AASDH: variants seen among roughly 807,000 people sequenced by gnomAD.
AASDH encodes the protein beta-alanine-activating enzyme.
In AASDH, 81 loss-of-function variants were observed where a neutral mutation model predicts 102.3. The ratio of observed to expected loss-of-function variants is 0.79; its 90% CI spans 0.66 to 0.95. The LOEUF is 0.95. AASDH is among the 40% of genes least tolerant of loss of function. The pLI is 0.00. For synonymous variants in AASDH, 398 were observed against 454.0 expected, an observed-to-expected ratio of 0.88 and a Z score of 1.57; for missense variants, 1,203 against 1,266.2, an observed-to-expected ratio of 0.95 and a Z score of 0.76.
intron 5 of AASDH, among the ~76,000 whole-genome samples, chr4:56,364,471 A>T (rs1303274088): frequency 1.3e-5 from 2 of 152,198 alleles, no homozygotes; most frequent in African/African-American, 4.8e-5. Context: ...CCAGAGAGAA[A>T]GGTCGGGTTA....
At chr4:56,347,118 T>G (rs1006918029) in intron 11 of AASDH, among the ~76,000 whole-genome samples, 1 of 150,698 alleles carries the variant, frequency 6.6e-6, no homozygotes, top group African/African-American at 2.4e-5. Context: ...ATTCCACTCA[T>G]GATTATTTCA....
intron 11 of AASDH, among the ~76,000 whole-genome samples, chr4:56,346,396 A>G (rs1478255269): frequency 6.6e-6 from 1 of 152,212 alleles, no homozygotes; most frequent in African/African-American, 2.4e-5. Context: ...TCACCTGGGT[A>G]AAGATTTCTG....
intron 5 of AASDH, among the ~76,000 whole-genome samples, chr4:56,365,070 T>C (rs1387708794): frequency 6.6e-6 from 1 of 152,146 alleles, no homozygotes; most frequent in African/African-American, 2.4e-5. Context: ...GTTGCAATCC[T>C]AGTCTCGGAT....
At chr4:56,368,103 A>C (rs898228972) in intron 5 of AASDH, among the ~76,000 whole-genome samples, 456 of 152,340 alleles carry the variant, frequency 3.0e-3, no homozygotes, top group African/African-American at 0.01. Flanking sequence ...ATGCAGCCAA[A>C]AAACACATGA....
chr4:56,342,518 T>A (rs1270433801), intron 14 of AASDH, among the ~76,000 whole-genome samples: 6 of 152,110 alleles, frequency 3.9e-5, no homozygotes, highest in Non-Finnish European at 8.8e-5. Flanking sequence ...ACTGGTAATA[T>A]TTTAAAAATT....
At chr4:56,386,364 A>G (rs1365978976) in intron 1 of AASDH, among the ~76,000 whole-genome samples, 1 of 152,188 alleles carries the variant, frequency 6.6e-6, no homozygotes, top group Non-Finnish European at 1.5e-5. Context: ...CATTTTCCCA[A>G]TGGTTGCTAC....
rs1183898476 is a variant in AASDH at position 56,342,823 on chromosome 4, T to C, written c.2907+12A>G. Reference sequence around the variant, plus strand: ...TAAAAATGTATATATAAAAAATTTCTAGTTCTATTACCTGTTCTCCAAAGT... The same window carrying C: ...TAAAAATGTATATATAAAAAATTTCCAGTTCTATTACCTGTTCTCCAAAGT... On this transcript the variant is annotated intron_variant, in intron 14 of 14. Coordinates refer to ENST00000205214, the MANE Select transcript of AASDH (RefSeq NM_181806.4). 5 of 1,299,814 alleles carry C rather than the reference T, an allele frequency of 3.8e-6. No individual in the cohort carries two copies. The African/African-American group carries it at 7.7e-5, about 20-fold the overall frequency. 80.5% of individuals were successfully genotyped at this position (1,299,814 alleles called of 1,614,324 possible). A position where few individuals can be genotyped will look rare whatever the true frequency, so the allele number is the denominator to read the frequency against.
intron 4 of AASDH, among the ~76,000 whole-genome samples, chr4:56,373,218 C>G (rs1751952050): frequency 6.6e-6 from 1 of 152,176 alleles, no homozygotes. Context: ...CGGCTCACTG[C>G]AACCTCTGCC....
At chr4:56,354,865 T>C (rs867929701) in intron 6 of AASDH, 54 bp from the exon 7 acceptor site, 1 of 1,372,064 alleles carries the variant, frequency 7.3e-7, no homozygotes. Flanking sequence ...AATAGAATAT[T>C]TTCCAATATA....
chr4:56,339,063 CCATT>C (rs1483215607), intron 14 of AASDH, among the ~76,000 whole-genome samples: 1 of 152,144 alleles, frequency 6.6e-6, no homozygotes, highest in African/African-American at 2.4e-5. Flanking sequence ...ATTTTGAACT[CCATT>C]CAAGAGTTAG....
chr4:56,339,422 G>C (rs1013008683), intron 14 of AASDH, among the ~76,000 whole-genome samples: 1 of 152,100 alleles, frequency 6.6e-6, no homozygotes, highest in Admixed American at 6.5e-5. Flanking sequence ...AGAGATTACA[G>C]GTGTGAGCCA....
At chr4:56,376,816 C>T (rs1224105928) in intron 4 of AASDH, among the ~76,000 whole-genome samples, 1 of 151,842 alleles carries the variant, frequency 6.6e-6, no homozygotes, top group African/African-American at 2.4e-5. Flanking sequence ...GCCTGTAATC[C>T]CAGCACTTTG....
chr4:56,381,401 T>C (rs1752927692), intron 3 of AASDH, among the ~76,000 whole-genome samples: 1 of 151,950 alleles, frequency 6.6e-6, no homozygotes, highest in Admixed American at 6.6e-5. Flanking sequence ...TGAAACCTTG[T>C]CTCTACTTAA....
intron 5 of AASDH, among the ~76,000 whole-genome samples, chr4:56,360,946 C>T (rs933295564): frequency 2.0e-5 from 3 of 152,074 alleles, no homozygotes; most frequent in Non-Finnish European, 4.4e-5. Context: ...ACCTGTTATG[C>T]CAAGAAGTTT....
At position 56,384,362 on chromosome 4, in the gene AASDH, TA is replaced by T. The variant is rs747483498; in HGVS notation, c.-42-22del. The T allele has an allele frequency of 2.2e-4, 321 of 1,481,402 alleles. 1 individual carries two copies. The African/African-American group carries it at 4.0e-3, about 19-fold the overall frequency. 91.8% of individuals were successfully genotyped at this position (1,481,402 alleles called of 1,614,324 possible). On this transcript the variant is annotated intron_variant, in intron 1 of 14. Coordinates refer to ENST00000205214, the MANE Select transcript of AASDH (RefSeq NM_181806.4). ...GAACCCTGTGTATATACAGAAGTGT[TA>T]GGGGGAGAGGGAGTTTTAGAGAGCT...
In AASDH at chr4:56,387,460, G is replaced by C. The variant is rs895674107; in HGVS notation, c.-141C>G. The C allele has an allele frequency of 3.9e-5, 6 of 152,256 alleles. No homozygotes were observed. The highest frequency in any genetic ancestry group is 1.4e-4 in the African/African-American group (6 of 41,460). The allele number at this position is 152,256 out of a possible 1,614,324, so 9.4% of individuals were successfully genotyped here. ...AGCGAAGCAGCAGCTCCCAGAAGCC[G>C]TAAAGCTATCCCAGAGCGAGGCACC... On this transcript the variant is annotated 5_prime_UTR_variant, in exon 1 of 15. Transcript: ENST00000205214.
intron 11 of AASDH, among the ~76,000 whole-genome samples, chr4:56,348,258 CTT>C (rs60619979): frequency 1.4e-5 from 2 of 145,510 alleles, no homozygotes; most frequent in Admixed American, 6.9e-5. Context: ...GAGTTATGCA[CTT>C]TTTTTTTTTT....
In AASDH at chr4:56,382,485, G is replaced by GT. The variant is rs376463919; in HGVS notation, c.342dup (p.Gln115ThrfsTer3). 3.5e-5 allele frequency: 54 copies of GT among 1,562,002 alleles called. No individual in the cohort carries two copies. Among genetic ancestry groups the GT allele is most frequent in the Middle Eastern group, 1.7e-4 (1 of 5,922 alleles). On this transcript the variant is annotated frameshift_variant, in exon 3 of 15. Transcript: ENST00000205214. LOFTEE classifies it high-confidence loss of function. ...GAAACATCCAGACTTACATTAATTTGTTTTTTTTCAACAAGGATATACTTT... is the reference window on the plus strand; with the variant it reads ...GAAACATCCAGACTTACATTAATTTGTTTTTTTTTCAACAAGGATATACTTT...
intron 11 of AASDH, 53 bp from the exon 12 acceptor site, chr4:56,345,343 A>G: frequency 6.5e-7 from 1 of 1,536,666 alleles, no homozygotes; most frequent in Non-Finnish European, 8.9e-7. Context: ...ACTGGAAAAT[A>G]ATTCTTTAGC....
Sources: gnomAD v4.1 joint callset for allele counts (sites outside exome capture counted in the v4.1 genomes callset) on GRCh38, gnomAD v4.1.1 for gene constraint, MANE v1.5 for transcripts, NCBI Gene and HGNC (gene_info 2026-07-23, HGNC 2026-07-21) for gene names.